The following TK2 variants were observed in gnomAD, a reference collection of about 807,000 sequenced individuals.
TK2 encodes the protein thymidine kinase 2, mitochondrial.
Under a neutral mutation model 41.9 loss-of-function variants are expected in TK2, and 35 were observed. The ratio of observed to expected loss-of-function variants is 0.84; its 90% confidence interval spans 0.64 to 1.11. TK2 has a LOEUF of 1.11. TK2 is among the 50% of genes least tolerant of loss of function. TK2 has a pLI of 0.00. For synonymous variants in TK2, 128 were observed against 129.1 expected (o/e 0.99, Z 0.06); for missense variants, 320 against 351.1 (o/e 0.91, Z 0.71).
In TK2 at chr16:66,540,944, T is replaced by C. The variant is rs181550206; in HGVS notation, c.231+935A>G. Among the ~76,000 whole-genome samples, 727 of 152,362 alleles carry C rather than the reference T, an allele frequency of 4.8e-3. 5 individuals are homozygous for C. The highest frequency in any genetic ancestry group is 8.6e-3 in the Non-Finnish European group (585 of 68,034). ...AATTAAGATATGCTATAAGTTACAC[T>C]TATTTTACAAATACAAACAGTTTGA... On this transcript the variant is annotated intron_variant, in intron 3 of 9. Transcript: ENST00000544898.
chr16:66,520,035 A>G (rs1458009585), intron 6 of TK2, among the ~76,000 whole-genome samples: 1 of 152,018 alleles, frequency 6.6e-6, no homozygotes, highest in Admixed American at 6.5e-5. Flanking sequence ...TCCTCAGAAG[A>G]GAAGAGTATT....
chr16:66,519,744 T>A (rs1249475266), intron 6 of TK2, among the ~76,000 whole-genome samples: 1 of 151,990 alleles, frequency 6.6e-6, no homozygotes, highest in Non-Finnish European at 1.5e-5. Context: ...AGTGGCTCCA[T>A]GTGGGTCCCG....
chr16:66,536,943 T>C, intron 4 of TK2, 21 bp downstream of exon 4: 3 of 1,614,034 alleles, frequency 1.9e-6, no homozygotes, highest in Non-Finnish European at 2.5e-6. Context: ...CGGGGGTTCA[T>C]GCAACCAACA....
chr16:66,533,774 G>A (rs1019034882), intron 4 of TK2, among the ~76,000 whole-genome samples: 12 of 151,988 alleles, frequency 7.9e-5, no homozygotes, highest in African/African-American at 2.4e-4. Flanking sequence ...CTGGGAGGCC[G>A]AGGTGCGCGG....
Position 66,522,510 on chromosome 16 carries a change from G to A in TK2, c.450-4633C>T, listed in dbSNP as rs57617804. Among the ~76,000 whole-genome samples the A allele has an allele frequency of 2.6e-5, 4 of 152,196 alleles. No homozygotes were observed. In the South Asian group the frequency reaches 6.2e-4, roughly 24 times the overall value. On this transcript the variant is annotated intron_variant, in intron 6 of 9. Transcript: ENST00000544898. ...CACAGTCACCTGTGTGGCCTCTTTA[G>A]CTACATGAATCTTGCTCACCACCTT... is the stretch of plus-strand genomic sequence containing the variant.
In TK2 at chr16:66,534,987, C is replaced by A. The variant is rs150794744; in HGVS notation, c.285+1977G>T. Reference sequence around the variant, plus strand: ...CATGAGCCACCACACCCGGCCTTTTCCTCATTTTTGCTTTTCATTTTTCTC... The same window carrying A: ...CATGAGCCACCACACCCGGCCTTTTACTCATTTTTGCTTTTCATTTTTCTC... On this transcript the variant is annotated intron_variant, in intron 4 of 9. Coordinates refer to ENST00000544898, the MANE Select transcript of TK2 (RefSeq NM_004614.5). Among the ~76,000 whole-genome samples the A allele has an allele frequency of 6.1e-3, 934 of 152,232 alleles. 9 individuals carry two copies. The highest frequency in any genetic ancestry group is 0.02 in the African/African-American group (848 of 41,544).
In TK2 at chr16:66,517,859, C is replaced by T. The variant is rs1326496666; in HGVS notation, c.468G>A (p.Val156=). 3 of 1,614,138 alleles carry T rather than the reference C, an allele frequency of 1.9e-6. No homozygotes were observed. Among genetic ancestry groups the T allele is most frequent in the East Asian group, 4.5e-5 (2 of 44,860 alleles). The part of the protein sequence containing the change: ...NLYRSGKMPE[V]DYVVLSEWFD... The stretch of plus-strand genomic sequence containing the variant: ...ACCATTCCGACAGAACTACATAGTC[C>T]ACTTCTGGCATCTTCCCACTGCAAT... The change falls in exon 7 of 10, where the codon GTG becomes GTA. Residue 156 remains valine, a synonymous_variant. Transcript: ENST00000544898. The surrounding 1 kb of genome is among the most constrained non-coding windows in gnomAD (Gnocchi z 4.3).
Position 66,517,704 on chromosome 16 carries a change from C to T in TK2, c.538+85G>A, listed in dbSNP as rs548649546. Reference sequence around the variant, plus strand: ...CAAGGGCAAGTGCCTCACCCACTGCCCCCAAGGGTTGGGGCCCAGCCAAGC... The same window carrying T: ...CAAGGGCAAGTGCCTCACCCACTGCTCCCAAGGGTTGGGGCCCAGCCAAGC... On this transcript the variant is annotated intron_variant, in intron 7 of 9. Transcript: ENST00000544898. This position sits in a 1 kb window ranked among gnomAD's most constrained non-coding sequence, Gnocchi z 4.3. 65 of 1,311,122 alleles carry T rather than the reference C, an allele frequency of 5.0e-5. 1 individual carries two copies. In the East Asian group the frequency reaches 1.5e-3, roughly 30 times the overall value. The allele number at this position is 1,311,122 out of a possible 1,614,324, so 81.2% of individuals were successfully genotyped here. A position where few individuals can be genotyped will look rare whatever the true frequency, so the allele number is the denominator to read the frequency against.
intron 8 of TK2, among the ~76,000 whole-genome samples, chr16:66,515,168 C>CT (rs984559245): frequency 9.0e-5 from 13 of 144,834 alleles, no homozygotes; most frequent in East Asian, 4.1e-4. Flanking sequence ...TCAATAAATA[C>CT]TAAAAAAAAA....
chr16:66,522,137 A>G (rs1039430990), intron 6 of TK2, among the ~76,000 whole-genome samples: 5 of 151,934 alleles, frequency 3.3e-5, no homozygotes, highest in Non-Finnish European at 7.4e-5. Context: ...AATGCTCTCC[A>G]TTGCACCACC....
intron 4 of TK2, among the ~76,000 whole-genome samples, chr16:66,531,781 G>C (rs186255605): frequency 6.6e-6 from 1 of 152,274 alleles, no homozygotes; most frequent in East Asian, 1.9e-4. Flanking sequence ...CCTTGTTCAC[G>C]GACAACATGA....
chr16:66,530,720 CTTT>C (rs929487208), intron 5 of TK2, among the ~76,000 whole-genome samples: 6 of 142,376 alleles, frequency 4.2e-5, no homozygotes, highest in African/African-American at 2.6e-5. Flanking sequence ...GCATTTCTTT[CTTT>C]TTTTTTTTTT....
intron 2 of TK2, among the ~76,000 whole-genome samples, chr16:66,547,686 C>A (rs1257751559): frequency 2.0e-5 from 3 of 151,848 alleles, no homozygotes; most frequent in African/African-American, 7.3e-5. Flanking sequence ...CAGACCTCCC[C>A]CATCAGACAA....
Position 66,548,004 on chromosome 16 carries a change from C to T in TK2, c.156+974G>A, listed in dbSNP as rs570240618. On this transcript the variant is annotated intron_variant, in intron 2 of 9. Transcript: ENST00000544898. ...TCACAGCTACTCAGGAGGCTGATGC[C>T]AGAGGATCACTTGAGCCCAGGAGTT... 6.4e-4 allele frequency: 811 copies of T among 1,275,668 alleles called. 12 individuals are homozygous for T. The South Asian group carries it at 9.6e-3, about 15-fold the overall frequency. 79.0% of individuals were successfully genotyped at this position (1,275,668 alleles called of 1,614,324 possible). A position where few individuals can be genotyped will look rare whatever the true frequency, so the allele number is the denominator to read the frequency against.
chr16:66,535,602 C>CCT (rs1334415636), intron 4 of TK2, among the ~76,000 whole-genome samples: 1 of 152,194 alleles, frequency 6.6e-6, no homozygotes, highest in African/African-American at 2.4e-5. Flanking sequence ...TAGTTTTCTT[C>CCT]CTAGGCCCTA....
At chr16:66,531,586 G>T in intron 4 of TK2, 117 bp from the exon 5 acceptor site, 1 of 916,910 alleles carries the variant, frequency 1.1e-6, no homozygotes, top group Non-Finnish European at 1.7e-6. Context: ...TGGGGCTGGA[G>T]ATAAACCCAG....
At chr16:66,537,727 G>A (rs1321380734) in intron 3 of TK2, among the ~76,000 whole-genome samples, 1 of 152,222 alleles carries the variant, frequency 6.6e-6, no homozygotes, top group Admixed American at 6.5e-5. Context: ...ATGCAGGTGT[G>A]TGCTAGAAAA....
rs2144325592 is a variant in TK2, at chr16:66,509,892, G to A, written c.*2076C>T. The stretch of plus-strand genomic sequence containing the variant: ...GTGCAAGCTGGCTTCAGCCGTTTCA[G>A]GTGTGGTCTCTAGGCTGGGAGATTT... On this transcript the variant is annotated 3_prime_UTR_variant, in exon 10 of 10. Coordinates refer to ENST00000544898, the MANE Select transcript of TK2 (RefSeq NM_004614.5). 1 of 152,560 alleles carries A rather than the reference G, an allele frequency of 6.6e-6. No individual in the cohort carries two copies. The highest frequency in any genetic ancestry group is 1.9e-4 in the East Asian group (1 of 5,192). 9.5% of individuals were successfully genotyped at this position (152,560 alleles called of 1,614,324 possible). A position where few individuals can be genotyped will look rare whatever the true frequency, so the allele number is the denominator to read the frequency against.
Position 66,514,535 on chromosome 16 carries a change from T to G in TK2, c.619-724A>C, listed in dbSNP as rs918306415. Among the ~76,000 whole-genome samples, 4 of 152,146 alleles carry G rather than the reference T, an allele frequency of 2.6e-5. No homozygotes were observed. Among genetic ancestry groups the G allele is most frequent in the Non-Finnish European group, 4.4e-5 (3 of 68,032 alleles). On this transcript the variant is annotated intron_variant, in intron 8 of 9. Transcript: ENST00000544898. The surrounding 1 kb of genome is among the most constrained non-coding windows in gnomAD (Gnocchi z 4.2). ...GCCGAGATTGCAGCCTCTGCCCGGC[T>G]GCCACCCCGTCTAGGAAGTGAGGAG...
Sources: gnomAD v4.1 joint callset for allele counts (sites outside exome capture counted in the v4.1 genomes callset) on GRCh38, gnomAD v4.1.1 for gene constraint, Gnocchi (gnomAD v3.1) non-coding constraint, MANE v1.5 for transcripts, NCBI Gene and HGNC (gene_info 2026-07-23, HGNC 2026-07-21) for gene names.